Variants in USH2A observed in about 807,000 individuals in gnomAD.
USH2A encodes usherin.
A neutral mutation model predicts 538.9 loss-of-function variants in USH2A; 443 were observed. The ratio of observed to expected loss-of-function variants is 0.82; its 90% CI spans 0.76 to 0.89. The LOEUF (loss-of-function observed/expected upper bound fraction) is 0.89. Among genes scored for constraint, USH2A ranks in the 40% least tolerant of loss-of-function variants. The pLI is 0.00. For synonymous variants in USH2A, 2,413 were observed against 2,273.5 expected (o/e 1.06, Z -1.75); for missense variants, 6,633 against 6,324.8 (o/e 1.05, Z -1.65).
intron 50 of USH2A, among the ~76,000 whole-genome samples, chr1:215,796,606 A>G (rs965259621): frequency 1.3e-5 from 2 of 151,984 alleles, no homozygotes; most frequent in Non-Finnish European, 2.9e-5. Flanking sequence ...CCCTCTCCTC[A>G]GGCCTTCCTA....
At chr1:215,826,832 AG>A (rs1425363614) in intron 47 of USH2A, among the ~76,000 whole-genome samples, 1 of 152,146 alleles carries the variant, frequency 6.6e-6, no homozygotes, top group African/African-American at 2.4e-5. Flanking sequence ...AACATGAACC[AG>A]GGTGGTAGTG....
chr1:216,159,625 T>G (rs1440067314), intron 21 of USH2A, among the ~76,000 whole-genome samples: 1 of 152,052 alleles, frequency 6.6e-6, no homozygotes, highest in African/African-American at 2.4e-5. Context: ...TTTTCCTTTA[T>G]GTTAATTTCT....
At chr1:215,925,144 C>T (rs145978582) in intron 38 of USH2A, among the ~76,000 whole-genome samples, 1,751 of 152,162 alleles carry the variant, frequency 0.012, 19 homozygotes, top group Non-Finnish European at 0.017. Context: ...CATGCACACA[C>T]ACACACAAAG....
chr1:216,113,137 T>TAAAAAAAAAAAAAAA (rs71159901), intron 21 of USH2A, among the ~76,000 whole-genome samples: 1 of 127,582 alleles, frequency 7.8e-6, no homozygotes, highest in Non-Finnish European at 1.7e-5. Flanking sequence ...CTCCAAATGA[T>TAAAAAAAAAAAAAAA]AAAAAAAAAA....
intron 11 of USH2A, among the ~76,000 whole-genome samples, chr1:216,277,568 C>T (rs751715357): frequency 2.0e-5 from 3 of 152,126 alleles, no homozygotes; most frequent in Admixed American, 6.6e-5. Context: ...ATGCCCCTTT[C>T]GCTCTTGGGC....
chr1:215,869,592 G>A (rs1038883134), intron 43 of USH2A, among the ~76,000 whole-genome samples: 2 of 152,108 alleles, frequency 1.3e-5, no homozygotes, highest in African/African-American at 4.8e-5. Context: ...GGCTTCATTA[G>A]CTCTCTCCCT....
chr1:216,391,152 A>C (rs1399303856), intron 3 of USH2A, among the ~76,000 whole-genome samples: 1 of 152,220 alleles, frequency 6.6e-6, no homozygotes, highest in Non-Finnish European at 1.5e-5. Context: ...GTGCAAGTGA[A>C]TATGCTTAAG....
rs74708413 is a variant in USH2A at position 215,631,219 on chromosome 1, G to C, written c.15298-2184C>G. Reference sequence around the variant, plus strand: ...ACTGAAACCAGAGCTTGTCACATGAGGGGGAGAAGTGTGTGTGTGTGTGTG... The same window carrying C: ...ACTGAAACCAGAGCTTGTCACATGACGGGGAGAAGTGTGTGTGTGTGTGTG... On this transcript the variant is annotated intron_variant, in intron 70 of 71. Coordinates refer to ENST00000307340, the MANE Select transcript of USH2A (RefSeq NM_206933.4). 6.0e-3 allele frequency among the ~76,000 whole-genome samples: 893 copies of C among 147,836 alleles called. 20 individuals are homozygous for C. The South Asian group carries it at 0.065, about 11-fold the overall frequency.
chr1:216,374,904 C>T (rs893199165), intron 3 of USH2A, among the ~76,000 whole-genome samples: 4 of 152,078 alleles, frequency 2.6e-5, no homozygotes, highest in Admixed American at 6.6e-5. Flanking sequence ...AATCCTGGTT[C>T]CTCTAAGAGA....
intron 40 of USH2A, among the ~76,000 whole-genome samples, chr1:215,892,919 C>A (rs1161940394): frequency 6.6e-6 from 1 of 152,094 alleles, no homozygotes; most frequent in African/African-American, 2.4e-5. Flanking sequence ...TTCTCTATTT[C>A]TCCTGATATC....
At chr1:215,929,326 A>G (rs1475210782) in intron 38 of USH2A, among the ~76,000 whole-genome samples, 1 of 152,142 alleles carries the variant, frequency 6.6e-6, no homozygotes, top group Non-Finnish European at 1.5e-5. Context: ...GCAAATTATG[A>G]TCTGGAGGTC....
intron 21 of USH2A, among the ~76,000 whole-genome samples, chr1:216,117,552 C>G (rs952997056): frequency 6.6e-6 from 1 of 152,046 alleles, no homozygotes; most frequent in Non-Finnish European, 1.5e-5. Context: ...CTTTAATCAT[C>G]AGGACACTAA....
rs577596150 is a variant in USH2A at position 216,343,414 on chromosome 1, C to G, written c.785-15760G>C. ...AATTAGCCAGGCATGGTGGTGTGCA[C>G]CTGTACTCCCAGCTATGCAGTAGGC... is the stretch of plus-strand genomic sequence containing the variant. On this transcript the variant is annotated intron_variant, in intron 4 of 71. Coordinates refer to ENST00000307340, the MANE Select transcript of USH2A (RefSeq NM_206933.4). Among the ~76,000 whole-genome samples the G allele has an allele frequency of 5.3e-5, 8 of 149,968 alleles. No individual in the cohort carries two copies. The East Asian group carries it at 1.4e-3, about 26-fold the overall frequency.
At chr1:216,252,412 T>C (rs1048983429) in intron 11 of USH2A, among the ~76,000 whole-genome samples, 18 of 152,142 alleles carry the variant, frequency 1.2e-4, no homozygotes, top group Non-Finnish European at 2.9e-5. Context: ...AACCTACATG[T>C]GGAAAGATAT....
rs117733235 is a variant in USH2A at position 216,036,628 on chromosome 1, G to A, written c.6325+9803C>T. On this transcript the variant is annotated intron_variant, in intron 32 of 71. Coordinates refer to ENST00000307340, the MANE Select transcript of USH2A (RefSeq NM_206933.4). ...GGTTTATATGGTTTGTTTGTTGCTAGTGTACACGGGTCAGTGACTTCATGT... is the reference window on the plus strand; with the variant it reads ...GGTTTATATGGTTTGTTTGTTGCTAATGTACACGGGTCAGTGACTTCATGT... Among the ~76,000 whole-genome samples, 247 of 152,234 alleles carry A rather than the reference G, an allele frequency of 1.6e-3. 4 individuals carry two copies. The East Asian group carries it at 0.046, about 28-fold the overall frequency.
intron 61 of USH2A, among the ~76,000 whole-genome samples, chr1:215,720,711 CA>C: frequency 6.6e-6 from 1 of 151,502 alleles, no homozygotes. Flanking sequence ...CCCCCAGAGG[CA>C]AAAAAAGGTT....
chr1:216,395,086 T>C (rs1005413443), intron 3 of USH2A, among the ~76,000 whole-genome samples: 6 of 152,176 alleles, frequency 3.9e-5, no homozygotes, highest in Admixed American at 6.5e-5. Flanking sequence ...CAAAACACTG[T>C]TGAGACTTCT....
At chr1:216,222,552 C>G (rs2035476699) in intron 14 of USH2A, among the ~76,000 whole-genome samples, 2 of 152,060 alleles carry the variant, frequency 1.3e-5, no homozygotes, top group South Asian at 4.1e-4. Context: ...TCCAAGAATG[C>G]CCAATGTAAT....
In USH2A at chr1:216,030,580, T is replaced by TAGATATATATCAC. The variant is rs1169393128; in HGVS notation, c.6325+15838_6325+15850dup. On this transcript the variant is annotated intron_variant, in intron 32 of 71. Transcript: ENST00000307340. ...ATATCACAGATATATAAATGATATA[T>TAGATATATATCAC]AGATATATATCACAGATATATAAAT... is the stretch of plus-strand genomic sequence containing the variant. Among the ~76,000 whole-genome samples the TAGATATATATCAC allele has an allele frequency of 2.8e-3, 401 of 142,874 alleles. 18 individuals are homozygous for TAGATATATATCAC. Among genetic ancestry groups the TAGATATATATCAC allele is most frequent in the African/African-American group, 0.01 (383 of 37,262 alleles). The allele number at this position is 142,874 out of a possible 152,430, so 93.7% of individuals were successfully genotyped here. A position where few individuals can be genotyped will look rare whatever the true frequency, so the allele number is the denominator to read the frequency against.
Sources: gnomAD v4.1 joint callset for allele counts (sites outside exome capture counted in the v4.1 genomes callset) on GRCh38, gnomAD v4.1.1 for gene constraint, MANE v1.5 for transcripts, NCBI Gene and HGNC (gene_info 2026-07-23, HGNC 2026-07-21) for gene names.